C6: variants seen among roughly 807,000 people sequenced by gnomAD.
C6 encodes complement component C6.
Under a neutral mutation model 112.9 loss-of-function variants are expected in C6, and 101 were observed. The observed-to-expected ratio is 0.89, with a 90% confidence interval of 0.76 to 1.06. C6 has a LOEUF of 1.06. Among genes scored for constraint, C6 ranks in the 50% least tolerant of loss-of-function variants. The probability of loss-of-function intolerance (pLI) is 0.00; values close to 1 mark genes in which losing one functional copy is unlikely to be tolerated. For missense variants in C6, 1,202 were observed against 1,104.6 expected (o/e 1.09, Z -1.25); for synonymous variants, 431 against 384.1 (o/e 1.12, Z -1.43).
chr5:41,213,004 T>G (rs1250163495), intron 1 of C6: 1 of 149,708 alleles, frequency 6.7e-6, no homozygotes, highest in Non-Finnish European at 1.5e-5. Context: ...TTATTTCTTA[T>G]TATTTTTTTC....
rs564536832 is a variant in C6, at chr5:41,156,696, C to G, written c.1969-1592G>C. On this transcript the variant is annotated intron_variant, in intron 13 of 17. Transcript: ENST00000337836. The stretch of plus-strand genomic sequence containing the variant: ...TAGAAGATTCTTAATTTTCTGGATA[C>G]AAAACTACCATCCTACTGTTGGTTA... Among the ~76,000 whole-genome samples, 3 of 152,254 alleles carry G rather than the reference C, an allele frequency of 2.0e-5. No individual in the cohort carries two copies. In the South Asian group the frequency reaches 6.2e-4, roughly 32 times the overall value.
chr5:41,252,747 G>A (rs1741445877), intron 1 of C6, among the ~76,000 whole-genome samples: 1 of 152,060 alleles, frequency 6.6e-6, no homozygotes, highest in Admixed American at 6.6e-5. Flanking sequence ...TCTTTCTGAA[G>A]CTTGCTACCT....
rs150318194 is a variant in C6 at position 41,181,464 on chromosome 5, C to T, written c.822G>A (p.Gln274=). The T allele has an allele frequency of 5.0e-6, 8 of 1,613,676 alleles. No individual in the cohort carries two copies. Among genetic ancestry groups the T allele is most frequent in the African/African-American group, 4.0e-5 (3 of 74,900 alleles). The change falls in exon 7 of 18, where the codon CAG becomes CAA. Residue 274 remains glutamine (Q), a synonymous_variant. Coordinates refer to ENST00000337836, the MANE Select transcript of C6 (RefSeq NM_000065.5). ...NENQQGSFSS[Q]GGSSFSVPIF... The stretch of plus-strand genomic sequence containing the variant: ...TTGGTACACTGAAAGAGCTCCCCCC[C>T]TGACTTGAGAATGAGCCTTGTTGAT...
At position 41,201,085 on chromosome 5, in the gene C6, T is replaced by A. The variant is rs572939610; in HGVS notation, c.300+473A>T. On this transcript the variant is annotated intron_variant, in intron 3 of 17. Transcript: ENST00000337836. ...TATTTAAAATATTGTATAAATTATCTTCAGGCTATATGTATAAGGTATATC... is the reference window on the plus strand; with the variant it reads ...TATTTAAAATATTGTATAAATTATCATCAGGCTATATGTATAAGGTATATC... 2.0e-5 allele frequency among the ~76,000 whole-genome samples: 3 copies of A among 152,184 alleles called. No homozygotes were observed. In the East Asian group the frequency reaches 5.8e-4, roughly 29 times the overall value.
At chr5:41,252,599 C>T (rs1056024641) in intron 1 of C6, among the ~76,000 whole-genome samples, 3 of 152,160 alleles carry the variant, frequency 2.0e-5, no homozygotes, top group Non-Finnish European at 4.4e-5. Context: ...TTTGAAATGG[C>T]CCTGCAAAGC....
In C6 at chr5:41,195,936, A is replaced by C. The variant is rs1352344748; in HGVS notation, c.446-3T>G. On this transcript the variant is annotated splice_polypyrimidine_tract_variant and splice_region_variant and intron_variant, in intron 4 of 17. Coordinates refer to ENST00000337836, the MANE Select transcript of C6 (RefSeq NM_000065.5). ...TAACTTTCTGGCAATGCAGCGGCCT[A>C]GTCAAGAAAAGCAAACAAAATCAAT... The C allele has an allele frequency of 1.9e-6, 3 of 1,613,730 alleles. No individual in the cohort carries two copies. The South Asian group carries it at 3.3e-5, about 18-fold the overall frequency.
intron 8 of C6, among the ~76,000 whole-genome samples, chr5:41,176,071 T>C (rs1252521036): frequency 6.6e-6 from 1 of 152,254 alleles, no homozygotes; most frequent in East Asian, 1.9e-4. Flanking sequence ...GGTATTGCTT[T>C]ATGAAATTAT....
upstream of C6, among the ~76,000 whole-genome samples, chr5:41,216,857 C>G (rs114198318): frequency 3.3e-5 from 5 of 152,048 alleles, no homozygotes; most frequent in Admixed American, 3.3e-4. Context: ...GTAGCACAAC[C>G]CTATTCAAAA....
chr5:41,171,875 T>C (rs1182279942), intron 9 of C6, among the ~76,000 whole-genome samples: 1 of 152,186 alleles, frequency 6.6e-6, no homozygotes, highest in East Asian at 1.9e-4. Context: ...TAGACCCTTG[T>C]CAGTCTGTAT....
Position 41,149,901 on chromosome 5 carries a change from A to T in C6, c.2381+34T>A, listed in dbSNP as rs766320338. 3.4e-6 allele frequency: 5 copies of T among 1,472,602 alleles called. No individual in the cohort carries two copies. The East Asian group carries it at 1.1e-4, about 33-fold the overall frequency. The allele number at this position is 1,472,602 out of a possible 1,614,324, so 91.2% of individuals were successfully genotyped here. On this transcript the variant is annotated intron_variant, in intron 16 of 17. Transcript: ENST00000337836. ...TTGGTTACACTAGACTGGTTTTCCCAATTTCCAGACACAGTCTGTAGGGTA... is the reference window on the plus strand; with the variant it reads ...TTGGTTACACTAGACTGGTTTTCCCTATTTCCAGACACAGTCTGTAGGGTA...
At position 41,211,547 on chromosome 5, in the gene C6, T is replaced by G. The variant is rs116116979; in HGVS notation, c.-21+1829A>C. 2.2e-3 allele frequency among the ~76,000 whole-genome samples: 339 copies of G among 152,094 alleles called. 5 individuals are homozygous for G. The highest frequency in any genetic ancestry group is 7.7e-3 in the African/African-American group (320 of 41,466). On this transcript the variant is annotated intron_variant, in intron 1 of 17. Transcript: ENST00000337836. The stretch of plus-strand genomic sequence containing the variant: ...ATTTAAGTCGTGATCAGACATATAA[T>G]GTGAGTCCCAAACATTTGGGAGCTG...
At chr5:41,149,139 A>C in intron 17 of C6, 102 bp downstream of exon 17, 1 of 1,391,586 alleles carries the variant, frequency 7.2e-7, no homozygotes, top group South Asian at 1.2e-5. Flanking sequence ...AATGAAAAGG[A>C]ATTATTTTTG....
intron 17 of C6, among the ~76,000 whole-genome samples, chr5:41,145,105 T>A (rs1745694181): frequency 6.6e-6 from 1 of 152,198 alleles, no homozygotes; most frequent in African/African-American, 2.4e-5. Context: ...TACCCAGTAA[T>A]GGGAATGCTG....
chr5:41,194,165 C>T (rs955873688), intron 5 of C6, among the ~76,000 whole-genome samples: 8 of 152,078 alleles, frequency 5.3e-5, no homozygotes, highest in Admixed American at 1.3e-4. Context: ...TTTTGGCTGA[C>T]GTTTTCTTGT....
In C6 at chr5:41,158,705, T is replaced by C. The variant is rs1747160758; in HGVS notation, c.1937A>G (p.Gln646Arg). 2.5e-6 allele frequency: 4 copies of C among 1,610,458 alleles called. No homozygotes were observed. Among genetic ancestry groups the C allele is most frequent in the Non-Finnish European group, 3.4e-6 (4 of 1,176,916 alleles). ...AAATCCATTTTCTGGAGGAACTGGC[T>C]GAGGACACCCGGAATCTGCTTCTAT... ...PEIEADSGCPQPVPPENGFIR... is the reference protein window; with the variant it reads ...PEIEADSGCPRPVPPENGFIR... Residue 646 changes from glutamine to arginine, a missense_variant, in exon 13 of 18, where the codon CAG becomes CGG. Coordinates refer to ENST00000337836, the MANE Select transcript of C6 (RefSeq NM_000065.5).
intron 1 of C6, among the ~76,000 whole-genome samples, chr5:41,205,373 G>A (rs1751351506): frequency 6.6e-6 from 1 of 152,248 alleles, no homozygotes; most frequent in African/African-American, 2.4e-5. Flanking sequence ...ACTGGGGCTT[G>A]TCGGACAGTG....
Position 41,142,706 on chromosome 5 carries a change from A to G in C6, c.*119T>C, listed in dbSNP as rs577817297. ...AATGATCTCAAACTAACAGAAAATA[A>G]TTTTTGTCAGTAACTTTGAGCATGC... is the stretch of plus-strand genomic sequence containing the variant. On this transcript the variant is annotated 3_prime_UTR_variant, in exon 18 of 18. Transcript: ENST00000337836. The G allele has an allele frequency of 1.2e-6, 1 of 811,958 alleles. No homozygotes were observed. Among genetic ancestry groups the G allele is most frequent in the Admixed American group, 1.9e-5 (1 of 53,800 alleles). The allele number at this position is 811,958 out of a possible 1,614,324, so 50.3% of individuals were successfully genotyped here.
chr5:41,210,263 C>A (rs1166530640), intron 1 of C6, among the ~76,000 whole-genome samples: 3 of 152,048 alleles, frequency 2.0e-5, no homozygotes, highest in Non-Finnish European at 4.4e-5. Flanking sequence ...CCATAAAAAC[C>A]CTAGAAGAAA....
chr5:41,165,428 T>G (rs922669834), intron 9 of C6, among the ~76,000 whole-genome samples: 4 of 152,196 alleles, frequency 2.6e-5, no homozygotes, highest in African/African-American at 9.6e-5. Context: ...GAAGTTCTAC[T>G]GCCAATACTT....
Sources: gnomAD v4.1 joint callset for allele counts (sites outside exome capture counted in the v4.1 genomes callset) on GRCh38, gnomAD v4.1.1 for gene constraint, MANE v1.5 for transcripts, NCBI Gene and HGNC (gene_info 2026-07-23, HGNC 2026-07-21) for gene names.